The following CACNA1G variants were observed in gnomAD, a reference collection of about 807,000 sequenced individuals.
CACNA1G encodes calcium voltage-gated channel subunit alpha1 G.
In CACNA1G, 67 loss-of-function variants were observed where a neutral mutation model predicts 219.4. The ratio of observed to expected loss-of-function variants is 0.31; its 90% CI spans 0.25 to 0.37. CACNA1G has a LOEUF of 0.37. CACNA1G is among the 10% of genes least tolerant of loss of function. CACNA1G has a pLI of 1.00. For synonymous variants in CACNA1G, 1,296 were observed against 1,345.3 expected (o/e 0.96, Z 0.80); for missense variants, 2,380 against 3,231.4 (o/e 0.74, Z 6.39).
chr17:50,589,246 A>C (rs911854874), intron 9 of CACNA1G, among the ~76,000 whole-genome samples: 1 of 151,388 alleles, frequency 6.6e-6, no homozygotes, highest in Admixed American at 6.6e-5. Context: ...TGATCCCCCC[A>C]CCCCGTGCCA....
intron 35 of CACNA1G, among the ~76,000 whole-genome samples, chr17:50,622,564 T>C (rs1179899302): frequency 6.6e-6 from 1 of 151,862 alleles, no homozygotes; most frequent in Non-Finnish European, 1.5e-5. Flanking sequence ...CAAAATAAGA[T>C]TGTCCTCCAA....
chr17:50,619,880 C>A, intron 34 of CACNA1G, 54 bp downstream of exon 34: 1 of 1,510,376 alleles, frequency 6.6e-7, no homozygotes, highest in Non-Finnish European at 8.9e-7. Flanking sequence ...GGCTGTGCCA[C>A]GCTGTGCCAT....
In CACNA1G at chr17:50,601,100, G is replaced by C. The variant is rs770856275; in HGVS notation, c.3841G>C (p.Val1281Leu). 6.2e-7 allele frequency: 1 copy of C among 1,613,912 alleles called. No homozygotes were observed. Among genetic ancestry groups the C allele is most frequent in the Non-Finnish European group, 8.5e-7 (1 of 1,179,850 alleles). Residue 1281 changes from valine (V) to leucine (L), a missense_variant, in exon 19 of 38, where the codon GTG (valine) becomes CTG (leucine). Physicochemically the swap from Val to Leu is conservative, Grantham distance 32 (BLOSUM62 1). Transcript: ENST00000359106. Reference sequence around the variant, plus strand: ...CATCACCCACAAGATGTTCGACCACGTGGTCCTTGTCATCATCTTCCTTAA... The same window carrying C: ...CATCACCCACAAGATGTTCGACCACCTGGTCCTTGTCATCATCTTCCTTAA... ...RIITHKMFDH[V>L]VLVIIFLNCI...
intron 37 of CACNA1G, among the ~76,000 whole-genome samples, chr17:50,624,862 T>C (rs2053273846): frequency 6.6e-6 from 1 of 150,420 alleles, no homozygotes; most frequent in South Asian, 2.1e-4. Flanking sequence ...CCAATTCTTC[T>C]CCCCACTTTG....
At chr17:50,602,569 A>C (rs1306260664) in intron 19 of CACNA1G, among the ~76,000 whole-genome samples, 1 of 152,142 alleles carries the variant, frequency 6.6e-6, no homozygotes, top group Non-Finnish European at 1.5e-5. Flanking sequence ...CCTTGGGCTA[A>C]GTGGCTGTGG....
chr17:50,614,100 A>T (rs1394395823), intron 26 of CACNA1G, among the ~76,000 whole-genome samples: 4 of 152,094 alleles, frequency 2.6e-5, no homozygotes, highest in African/African-American at 9.7e-5. Context: ...ACGAGGCTGG[A>T]TGTGCAATAC....
intron 1 of CACNA1G, among the ~76,000 whole-genome samples, chr17:50,568,569 A>G (rs1297790922): frequency 6.6e-6 from 1 of 152,218 alleles, no homozygotes; most frequent in East Asian, 1.9e-4. Flanking sequence ...TGGCATTTCC[A>G]CAGGCATGAT....
rs2047092618 is a variant in CACNA1G, at chr17:50,603,042, G to A, written c.4012G>A (p.Glu1338Lys). 6.2e-7 allele frequency: 1 copy of A among 1,613,026 alleles called. No individual in the cohort carries two copies. The highest frequency in any genetic ancestry group is 8.5e-7 in the Non-Finnish European group (1 of 1,179,368). Residue 1338 changes from glutamate (E) to lysine (K), a missense_variant, in exon 21 of 38, where the codon GAG (glutamate) becomes AAG (lysine). Transcript: ENST00000359106. The surrounding 1 kb of genome is among the most constrained non-coding windows in gnomAD (Gnocchi z 6.4). ...KVVALGWCFG[E>K]QAYLRSSWNV... The stretch of plus-strand genomic sequence containing the variant: ...GGTGGCACTGGGCTGGTGCTTCGGG[G>A]AGCAGGCGTACCTGCGGAGCAGTTG...
chr17:50,621,204 G>T lies in CACNA1G; in HGVS notation c.5926-456G>T, dbSNP rs1373101235. On this transcript the variant is annotated intron_variant, in intron 34 of 37. Transcript: ENST00000359106. This position sits in a 1 kb window ranked among gnomAD's most constrained non-coding sequence, Gnocchi z 4.6. ...TCAGATTGGTGGCATTGTCGCCGGCGCCCCCCGTGCCGCTCTGTCTGTGCC... is the reference window on the plus strand; with the variant it reads ...TCAGATTGGTGGCATTGTCGCCGGCTCCCCCCGTGCCGCTCTGTCTGTGCC... 6.6e-6 allele frequency among the ~76,000 whole-genome samples: 1 copy of T among 152,062 alleles called. No homozygotes were observed. The highest frequency in any genetic ancestry group is 2.4e-5 in the African/African-American group (1 of 41,410).
In CACNA1G at chr17:50,561,522, G is replaced by A; in HGVS notation, c.63G>A (p.Arg21=). ...EESGQPRSFM[R]LNDLSGAGGR... is the part of the protein sequence containing the mutation. Reference sequence around the variant, plus strand: ...CGGGACAGCCCCGGAGCTTCATGCGGCTCAACGACCTGTCGGGGGCCGGGG... The same window carrying A: ...CGGGACAGCCCCGGAGCTTCATGCGACTCAACGACCTGTCGGGGGCCGGGG... The change falls in exon 1 of 38, where the codon CGG becomes CGA. Residue 21 remains arginine (R), a synonymous_variant. Coordinates refer to ENST00000359106, the MANE Select transcript of CACNA1G (RefSeq NM_018896.5). 6.5e-7 allele frequency: 1 copy of A among 1,537,344 alleles called. No homozygotes were observed. The highest frequency in any genetic ancestry group is 1.2e-5 in the South Asian group (1 of 84,014).
Position 50,618,396 on chromosome 17 carries a change from C to A in CACNA1G, c.5427+53C>A. On this transcript the variant is annotated intron_variant, in intron 32 of 37. Transcript: ENST00000359106. The surrounding 1 kb of genome is among the most constrained non-coding windows in gnomAD (Gnocchi z 5.3). The stretch of plus-strand genomic sequence containing the variant: ...CAGGGAGGCAGCCCCACTTCCTGAG[C>A]TAGGATTCCTTGGGAAGATGAATTG... 6.3e-7 allele frequency: 1 copy of A among 1,595,666 alleles called. No individual in the cohort carries two copies.
intron 19 of CACNA1G, among the ~76,000 whole-genome samples, chr17:50,602,041 G>A (rs561737087): frequency 3.3e-5 from 5 of 152,258 alleles, no homozygotes; most frequent in East Asian, 1.9e-4. Flanking sequence ...CCTCACACCC[G>A]GAGTCACAGG....
At position 50,573,114 on chromosome 17, in the gene CACNA1G, G is replaced by A. The variant is rs1458141628; in HGVS notation, c.1140+1G>A. ...CATCTACTTCATCCTCCTCATCATC[G>A]TGAGTGACTCCTCAGATCCCCGTGG... On this transcript the variant is annotated splice_donor_variant, in intron 7 of 37. Transcript: ENST00000359106. LOFTEE classifies it high-confidence loss of function. 1 of 1,561,604 alleles carries A rather than the reference G, an allele frequency of 6.4e-7. No homozygotes were observed. The highest frequency in any genetic ancestry group is 8.7e-7 in the Non-Finnish European group (1 of 1,150,664).
rs756521246 is a variant in CACNA1G, at chr17:50,626,304, G to A, written c.6687G>A (p.Leu2229=). ...TGAGCTGGATTTCAGGAGACCTCCTGCCCCCTGGCGGCCAGGAGGAGCCCC... is the reference window on the plus strand; with the variant it reads ...TGAGCTGGATTTCAGGAGACCTCCTACCCCCTGGCGGCCAGGAGGAGCCCC... ...TELSWISGDL[L]PPGGQEEPPS... is the part of the protein sequence containing the mutation. Residue 2229 remains leucine (L), a synonymous_variant, in exon 38 of 38, where the codon CTG becomes CTA. Coordinates refer to ENST00000359106, the MANE Select transcript of CACNA1G (RefSeq NM_018896.5). The surrounding 1 kb of genome is among the most constrained non-coding windows in gnomAD (Gnocchi z 4.3). 32 of 1,613,336 alleles carry A rather than the reference G, an allele frequency of 2.0e-5. No homozygotes were observed. The Admixed American group carries it at 4.0e-4, about 20-fold the overall frequency.
At chr17:50,602,311 G>C (rs897974582) in intron 19 of CACNA1G, among the ~76,000 whole-genome samples, 3 of 152,226 alleles carry the variant, frequency 2.0e-5, no homozygotes, top group African/African-American at 7.2e-5. Context: ...AGATGCCAGG[G>C]AACTAGATGG....
chr17:50,602,927 T>C lies in CACNA1G; in HGVS notation c.3984+39T>C, dbSNP rs778744879. The C allele has an allele frequency of 2.9e-5, 45 of 1,529,964 alleles. No homozygotes were observed. The East Asian group carries it at 5.8e-4, about 20-fold the overall frequency. 94.8% of individuals were successfully genotyped at this position (1,529,964 alleles called of 1,614,324 possible). On this transcript the variant is annotated intron_variant, in intron 20 of 37. Transcript: ENST00000359106. ...GTGTTGGCTTGGGACCTCTGGTTCC[T>C]GGTGGGGGTGGAGACAGCTTGGGCT... is the stretch of plus-strand genomic sequence containing the variant.
chr17:50,574,790 G>A (rs1421204178), intron 7 of CACNA1G, among the ~76,000 whole-genome samples: 1 of 152,152 alleles, frequency 6.6e-6, no homozygotes, highest in Non-Finnish European at 1.5e-5. Flanking sequence ...CTTCATTTGG[G>A]ATTGTTGTCC....
At chr17:50,615,287 T>C in intron 26 of CACNA1G, 74 bp from the exon 27 acceptor site, 1 of 1,299,302 alleles carries the variant, frequency 7.7e-7, no homozygotes, top group Non-Finnish European at 9.9e-7. Flanking sequence ...CTGGTGGCTG[T>C]GAGGGACTGG....
At position 50,609,124 on chromosome 17, in the gene CACNA1G, G is replaced by A. The variant is rs376396831; in HGVS notation, c.4706-758G>A. On this transcript the variant is annotated intron_variant, in intron 25 of 37. Coordinates refer to ENST00000359106, the MANE Select transcript of CACNA1G (RefSeq NM_018896.5). ...TGTTCACATGTGAGTACCACCAAAT[G>A]AGTGAGGGGTTGCCGTGCCCCTGCC... is the stretch of plus-strand genomic sequence containing the variant. 5.1e-4 allele frequency among the ~76,000 whole-genome samples: 77 copies of A among 152,302 alleles called. 1 individual carries two copies. Among genetic ancestry groups the A allele is most frequent in the African/African-American group, 1.7e-3 (70 of 41,556 alleles).
Sources: allele counts gnomAD v4.1 joint callset (sites outside exome capture counted in the v4.1 genomes callset), GRCh38; gene constraint gnomAD v4.1.1; non-coding constraint Gnocchi (gnomAD v3.1); transcripts MANE v1.5; gene names NCBI Gene and HGNC (gene_info 2026-07-23, HGNC 2026-07-21).